Variants in DARS2 observed in about 807,000 individuals in gnomAD.
The protein encoded by DARS2 is aspartyl-tRNA synthetase 2, mitochondrial.
DARS2 carries 63 observed loss-of-function variants against 83.0 expected under a neutral mutation model. The ratio of observed to expected loss-of-function variants is 0.76; its 90% confidence interval spans 0.62 to 0.94. The LOEUF (loss-of-function observed/expected upper bound fraction) is 0.94, where lower values mean the gene tolerates loss of function less well. Among genes scored for constraint, DARS2 ranks in the 40% least tolerant of loss-of-function variants. DARS2 has a pLI of 0.00. For missense variants in DARS2, 675 were observed against 774.4 expected, an observed-to-expected ratio of 0.87 and a Z score of 1.52; for synonymous variants, 250 against 269.3, an observed-to-expected ratio of 0.93 and a Z score of 0.70.
Position 173,845,293 on chromosome 1 carries a change from T to C in DARS2, c.1191+2T>C, listed in dbSNP as rs1446664199. The stretch of plus-strand genomic sequence containing the variant: ...TTTGCAGCTGACCATTTTAATCAGG[T>C]AAGGAGTTAATTAGAGCAGTTTTTT... On this transcript the variant is annotated splice_donor_variant, in intron 12 of 16. Transcript: ENST00000649689. LOFTEE classifies it high-confidence loss of function. The C allele has an allele frequency of 1.2e-6, 2 of 1,605,836 alleles. No homozygotes were observed. Among genetic ancestry groups the C allele is most frequent in the Admixed American group, 3.3e-5 (2 of 59,960 alleles).
intron 8 of DARS2, 68 bp downstream of exon 8, chr1:173,837,114 A>T: frequency 7.3e-7 from 1 of 1,364,710 alleles, no homozygotes; most frequent in Non-Finnish European, 1.0e-6. Context: ...AAAAGGAAAC[A>T]CAAAATCCTC....
intron 13 of DARS2, chr1:173,852,144 C>A (rs1054264534): frequency 2.0e-6 from 2 of 985,212 alleles, no homozygotes; most frequent in Non-Finnish European, 2.4e-6. Context: ...AATGAAGGTC[C>A]GTTATGTAGA....
chr1:173,840,688 A>G (rs569083557), intron 10 of DARS2, among the ~76,000 whole-genome samples, 178 bp from the exon 11 acceptor site: 1 of 152,358 alleles, frequency 6.6e-6, no homozygotes, highest in Admixed American at 6.5e-5. Flanking sequence ...TATGAAATGA[A>G]TGAGTATATG....
At chr1:173,841,761 G>A (rs1340039305) in intron 11 of DARS2, among the ~76,000 whole-genome samples, 3 of 152,056 alleles carry the variant, frequency 2.0e-5, no homozygotes, top group Non-Finnish European at 2.9e-5. Context: ...ATTGTGCCAC[G>A]GCATTCTAAC....
chr1:173,842,675 C>T (rs1653275302), intron 11 of DARS2, among the ~76,000 whole-genome samples: 3 of 151,170 alleles, frequency 2.0e-5, no homozygotes, highest in Admixed American at 6.6e-5. Flanking sequence ...CGGTAGCCCA[C>T]GCCTGTAATC....
chr1:173,851,717 A>C, intron 13 of DARS2: 9 of 365,344 alleles, frequency 2.5e-5, no homozygotes, highest in Non-Finnish European at 3.4e-5. Context: ...CAAGCATGAT[A>C]TAAATTTATT....
In DARS2 at chr1:173,857,773, CAGATCT is replaced by C; in HGVS notation, c.*72_*77del. ...CTCTTTGCTTCCCCAAGGCTAAAGT[CAGATCT>C]AGAGTTCTGCCACAGGTCTAACAAT... On this transcript the variant is annotated 3_prime_UTR_variant, in exon 17 of 17. Transcript: ENST00000649689. 1 of 1,552,332 alleles carries C rather than the reference CAGATCT, an allele frequency of 6.4e-7. No individual in the cohort carries two copies. The highest frequency in any genetic ancestry group is 8.9e-7 in the Non-Finnish European group (1 of 1,127,984).
intron 7 of DARS2, among the ~76,000 whole-genome samples, chr1:173,834,724 G>GTTTTTTTTTTTTTT (rs1203102003): frequency 6.8e-5 from 1 of 14,766 alleles, no homozygotes; most frequent in Non-Finnish European, 1.5e-4. Context: ...TTTCCTTTGA[G>GTTTTTTTTTTTTTT]TTTTTTTGTT....
chr1:173,825,430 C>A (rs1652456366), intron 1 of DARS2, 74 bp downstream of exon 1: 3 of 1,302,336 alleles, frequency 2.3e-6, no homozygotes, highest in Non-Finnish European at 3.1e-6. Flanking sequence ...GCTTTTATTC[C>A]ATTTTTCATT....
chr1:173,839,682 G>A (rs1653136696), intron 10 of DARS2, 136 bp downstream of exon 10: 2 of 776,204 alleles, frequency 2.6e-6, no homozygotes, highest in African/African-American at 1.7e-5. Context: ...TTGTTACAGA[G>A]CTAGAGCAAG....
At chr1:173,834,631 C>A in intron 7 of DARS2, 112 bp downstream of exon 7, 8 of 580,352 alleles carry the variant, frequency 1.4e-5, no homozygotes, top group South Asian at 4.2e-5. Flanking sequence ...TCAGGATGGT[C>A]ATATTAACTA....
chr1:173,855,112 T>C (rs1653811566), intron 15 of DARS2, among the ~76,000 whole-genome samples: 1 of 152,012 alleles, frequency 6.6e-6, no homozygotes, highest in Admixed American at 6.6e-5. Flanking sequence ...TAACTTTTTT[T>C]TTTTTTTTTG....
Position 173,850,424 on chromosome 1 carries a change from T to C in DARS2, c.1289T>C (p.Met430Thr), listed in dbSNP as rs1653611798. ...ESQRLELIRLMETQEEDVVLL... is the reference protein window; with the variant it reads ...ESQRLELIRLTETQEEDVVLL... ...CAAAGACTGGAATTAATCAGACTAA[T>C]GGAGACCCAAGAGGAAGATGTGGTC... The change falls in exon 13 of 17, where the codon ATG (methionine) becomes ACG (threonine). Residue 430 changes from methionine (M) to threonine (T), a missense_variant. By Grantham distance (81) the Met-to-Thr change is moderately conservative. Transcript: ENST00000649689. 6.2e-7 allele frequency: 1 copy of C among 1,613,858 alleles called. No individual in the cohort carries two copies. Among genetic ancestry groups the C allele is most frequent in the African/African-American group, 1.3e-5 (1 of 74,870 alleles).
At chr1:173,854,369 CT>C (rs987096916) in intron 15 of DARS2, among the ~76,000 whole-genome samples, 2 of 151,926 alleles carry the variant, frequency 1.3e-5, no homozygotes, top group African/African-American at 2.4e-5. Flanking sequence ...TAATGTAGGA[CT>C]TGGAAAAGTA....
At chr1:173,839,179 T>C (rs1368442491) in intron 9 of DARS2, among the ~76,000 whole-genome samples, 188 bp from the exon 10 acceptor site, 2 of 152,224 alleles carry the variant, frequency 1.3e-5, no homozygotes, top group Non-Finnish European at 2.9e-5. Flanking sequence ...GAAATGGTTG[T>C]GGGAACTAAG....
chr1:173,838,938 T>C (rs1244981904), intron 9 of DARS2, among the ~76,000 whole-genome samples: 1 of 152,110 alleles, frequency 6.6e-6, no homozygotes, highest in Admixed American at 6.6e-5. Flanking sequence ...GGTTTGACCA[T>C]GTTGGCCAGG....
At chr1:173,835,147 T>C (rs2102643645) in intron 7 of DARS2, among the ~76,000 whole-genome samples, 1 of 151,932 alleles carries the variant, frequency 6.6e-6, no homozygotes, top group South Asian at 2.1e-4. Context: ...TTTGTTTTTT[T>C]AGACAGTCTC....
intron 10 of DARS2, 113 bp downstream of exon 10, chr1:173,839,659 C>A: frequency 1.0e-6 from 1 of 990,938 alleles, no homozygotes; most frequent in Non-Finnish European, 1.6e-6. Context: ...TTGTTGTTAC[C>A]TTGTTACCTT....
In DARS2 at chr1:173,840,986, C is replaced by G. The variant is rs1653181560; in HGVS notation, c.1128+13C>G. 1 of 1,430,052 alleles carries G rather than the reference C, an allele frequency of 7.0e-7. No homozygotes were observed. Among genetic ancestry groups the G allele is most frequent in the Non-Finnish European group, 9.9e-7 (1 of 1,012,224 alleles). 88.6% of individuals were successfully genotyped at this position (1,430,052 alleles called of 1,614,324 possible). On this transcript the variant is annotated intron_variant, in intron 11 of 16. Coordinates refer to ENST00000649689, the MANE Select transcript of DARS2 (RefSeq NM_018122.5). ...CCCTGAAGGAGCAGTAAGTGAAGTA[C>G]AGTTCTATGTTTCTCTAGAATGTAT...
Sources: gnomAD v4.1 joint callset for allele counts (sites outside exome capture counted in the v4.1 genomes callset) on GRCh38, gnomAD v4.1.1 for gene constraint, MANE v1.5 for transcripts, NCBI Gene and HGNC (gene_info 2026-07-23, HGNC 2026-07-21) for gene names.